EYS: variants seen among roughly 807,000 people sequenced by gnomAD.
EYS encodes protein eyes shut homolog.
In EYS, 250 loss-of-function variants were observed where a neutral mutation model predicts 282.1. The ratio of observed to expected loss-of-function variants is 0.89; its 90% CI spans 0.80 to 0.98. The LOEUF is 0.98. Among genes scored for constraint, EYS ranks in the 50% least tolerant of loss-of-function variants. EYS has a pLI of 0.00. For synonymous variants in EYS, 1,355 were observed against 1,282.9 expected, an observed-to-expected ratio of 1.06 and a Z score of -1.20; for missense variants, 4,016 against 3,709.0, an observed-to-expected ratio of 1.08 and a Z score of -2.15.
rs185735157 is a variant in EYS at position 64,491,064 on chromosome 6, C to T, written c.5645-51712G>A. On this transcript the variant is annotated intron_variant, in intron 26 of 42. Coordinates refer to ENST00000503581, the MANE Select transcript of EYS (RefSeq NM_001142800.2). ...TTATTTATTAGGTTGAAATGACCAA[C>T]ATTAACTAATATTTGGAGGAAAAGG... is the stretch of plus-strand genomic sequence containing the variant. Among the ~76,000 whole-genome samples, 61 of 150,854 alleles carry T rather than the reference C, an allele frequency of 4.0e-4. 1 individual carries two copies. The East Asian group carries it at 5.7e-3, about 14-fold the overall frequency.
At chr6:64,766,647 AAAAT>A (rs1232616027) in intron 22 of EYS, among the ~76,000 whole-genome samples, 6 of 11,954 alleles carry the variant, frequency 5.0e-4, no homozygotes, top group African/African-American at 1.2e-3. Flanking sequence ...AAAAAAAAAA[AAAAT>A]ATATATATAT....
At chr6:64,097,745 A>G (rs544085685) in intron 31 of EYS, among the ~76,000 whole-genome samples, 2 of 152,254 alleles carry the variant, frequency 1.3e-5, no homozygotes, top group East Asian at 3.9e-4. Flanking sequence ...CGCTCGGTAC[A>G]CTGACATTGT....
intron 5 of EYS, among the ~76,000 whole-genome samples, chr6:65,470,797 A>C (rs189410305): frequency 6.6e-6 from 1 of 152,286 alleles, no homozygotes; most frequent in Non-Finnish European, 1.5e-5. Context: ...TACCAAGAAG[A>C]GAAATTGTTA....
intron 13 of EYS, among the ~76,000 whole-genome samples, chr6:65,021,604 C>T (rs1772256086): frequency 6.6e-6 from 1 of 152,188 alleles, no homozygotes; most frequent in African/African-American, 2.4e-5. Flanking sequence ...CAAAACTCTT[C>T]CAGCCTCTGC....
chr6:64,495,832 CTTAA>C (rs139767515), intron 26 of EYS, among the ~76,000 whole-genome samples: 1,696 of 151,848 alleles, frequency 0.011, 29 homozygotes, highest in East Asian at 0.082. Flanking sequence ...TTTCAATGAA[CTTAA>C]TTAAATTTCC....
At chr6:65,553,766 T>C (rs1264817591) in intron 2 of EYS, among the ~76,000 whole-genome samples, 1 of 152,090 alleles carries the variant, frequency 6.6e-6, no homozygotes, top group Admixed American at 6.5e-5. Context: ...AGGTGTTCTG[T>C]ACTCCTTTTT....
chr6:64,738,481 A>G (rs1026270684), intron 22 of EYS, among the ~76,000 whole-genome samples: 1 of 152,180 alleles, frequency 6.6e-6, no homozygotes, highest in African/African-American at 2.4e-5. Context: ...TCTTTTCTTT[A>G]TAAGTAACTC....
chr6:65,305,978 C>T (rs1768993417), intron 11 of EYS, among the ~76,000 whole-genome samples: 3 of 152,140 alleles, frequency 2.0e-5, no homozygotes, highest in South Asian at 2.1e-4. Context: ...TATTGTATAC[C>T]TGCCAGTTTT....
intron 12 of EYS, among the ~76,000 whole-genome samples, chr6:65,064,164 T>A (rs1456497428): frequency 7.0e-6 from 1 of 143,614 alleles, no homozygotes; most frequent in African/African-American, 2.5e-5. Context: ...ATAACATATA[T>A]AATATATATA....
intron 36 of EYS, among the ~76,000 whole-genome samples, chr6:63,844,884 T>C (rs1164872202): frequency 6.6e-6 from 1 of 152,228 alleles, no homozygotes; most frequent in Non-Finnish European, 1.5e-5. Flanking sequence ...TTTGTCAATT[T>C]TTGCTTTTGT....
chr6:65,465,498 C>A (rs1264161187), intron 5 of EYS, among the ~76,000 whole-genome samples: 1 of 151,100 alleles, frequency 6.6e-6, no homozygotes, highest in African/African-American at 2.4e-5. Context: ...CAAACAAACA[C>A]CAACCAAACA....
chr6:64,104,468 T>C (rs1772938074), intron 31 of EYS, among the ~76,000 whole-genome samples: 1 of 152,058 alleles, frequency 6.6e-6, no homozygotes, highest in African/African-American at 2.4e-5. Context: ...GAGAAGGAAA[T>C]AAATTATTCT....
At chr6:65,370,927 T>A (rs1384418885) in intron 8 of EYS, among the ~76,000 whole-genome samples, 2 of 151,860 alleles carry the variant, frequency 1.3e-5, no homozygotes, top group East Asian at 3.9e-4. Context: ...CCTAATCTAG[T>A]CTTCTAGTCA....
At position 64,834,740 on chromosome 6, in the gene EYS, T is replaced by C. The variant is rs968758503; in HGVS notation, c.2993-11918A>G. On this transcript the variant is annotated intron_variant, in intron 19 of 42. Coordinates refer to ENST00000503581, the MANE Select transcript of EYS (RefSeq NM_001142800.2). ...TTTTAAAAATACTAAGTCTCTATAA[T>C]GTTTAATTTTAAAGACCAGGTGAAA... 2.6e-5 allele frequency among the ~76,000 whole-genome samples: 4 copies of C among 151,986 alleles called. 1 individual carries two copies. In the South Asian group the frequency reaches 8.3e-4, roughly 31 times the overall value.
intron 33 of EYS, among the ~76,000 whole-genome samples, chr6:64,002,563 C>G (rs1768146958): frequency 6.6e-6 from 1 of 152,224 alleles, no homozygotes; most frequent in South Asian, 2.1e-4. Context: ...AGCACTCACC[C>G]TAGCCTCTGT....
At chr6:64,766,789 T>A (rs1773366697) in intron 22 of EYS, among the ~76,000 whole-genome samples, 1 of 149,490 alleles carries the variant, frequency 6.7e-6, no homozygotes, top group South Asian at 2.1e-4. Context: ...CTAAGTCTAA[T>A]ATGTACTTAA....
At chr6:65,657,697 T>G (rs955588430) in intron 1 of EYS, among the ~76,000 whole-genome samples, 11 of 151,838 alleles carry the variant, frequency 7.2e-5, no homozygotes, top group African/African-American at 2.2e-4. Context: ...ATAACAGGGA[T>G]TTAGCATATT....
intron 26 of EYS, among the ~76,000 whole-genome samples, chr6:64,500,672 C>T (rs562888227): frequency 3.6e-4 from 54 of 152,112 alleles, no homozygotes; most frequent in African/African-American, 1.2e-3. Flanking sequence ...AGTAAGTCCT[C>T]CTAGAAAGGA....
chr6:65,514,972 G>A (rs1767064925), intron 2 of EYS, among the ~76,000 whole-genome samples: 1 of 152,098 alleles, frequency 6.6e-6, no homozygotes, highest in African/African-American at 2.4e-5. Context: ...CTTCTGCACA[G>A]CAAAAGAAAC....
Sources: gnomAD v4.1 joint callset for allele counts (sites outside exome capture counted in the v4.1 genomes callset) on GRCh38, gnomAD v4.1.1 for gene constraint, MANE v1.5 for transcripts, NCBI Gene and HGNC (gene_info 2026-07-23, HGNC 2026-07-21) for gene names.